ACYP2: variants seen among roughly 807,000 people sequenced by gnomAD.
ACYP2 encodes the protein acylphosphatase-2.
In ACYP2, 12 loss-of-function variants were observed where a neutral mutation model predicts 11.2. The observed-to-expected ratio is 1.08, with a 90% confidence interval of 0.69 to 1.74. The LOEUF is 1.74. Ranked by LOEUF, ACYP2 falls within the 40% of genes most tolerant of loss-of-function variation. The pLI is 0.00. For missense variants in ACYP2, 134 were observed against 101.9 expected, an observed-to-expected ratio of 1.31 and a Z score of -1.35; for synonymous variants, 43 against 32.2, an observed-to-expected ratio of 1.33 and a Z score of -1.13.
At chr2:54,290,273 C>T (rs1689247466) in intron 6 of ACYP2, among the ~76,000 whole-genome samples, 1 of 152,002 alleles carries the variant, frequency 6.6e-6, no homozygotes, top group Admixed American at 6.5e-5. Context: ...AGACTGGTGC[C>T]TTGAAGACGT....
intron 6 of ACYP2, among the ~76,000 whole-genome samples, chr2:54,282,353 A>G (rs902812635): frequency 6.6e-6 from 1 of 152,106 alleles, no homozygotes; most frequent in Non-Finnish European, 1.5e-5. Context: ...TTTTCAGACA[A>G]TTTCCAACCT....
chr2:54,184,776 G>A (rs527601567), intron 6 of ACYP2, among the ~76,000 whole-genome samples: 103 of 151,872 alleles, frequency 6.8e-4, no homozygotes, highest in African/African-American at 2.1e-3. Context: ...GGGGTGCTAT[G>A]TTTTAGAAGA....
chr2:54,009,587 A>C (rs1469181085), intron 2 of ACYP2, among the ~76,000 whole-genome samples: 1 of 152,046 alleles, frequency 6.6e-6, no homozygotes, highest in Non-Finnish European at 1.5e-5. Flanking sequence ...AAATAATAAT[A>C]ATAATAAATT....
chr2:54,186,602 C>T (rs1347310232), intron 6 of ACYP2, among the ~76,000 whole-genome samples: 1 of 152,094 alleles, frequency 6.6e-6, no homozygotes, highest in Non-Finnish European at 1.5e-5. Context: ...CAACCTCTGC[C>T]TCCCAGGTTC....
At chr2:54,140,442 C>G (rs1014585398) in intron 6 of ACYP2, among the ~76,000 whole-genome samples, 1 of 151,934 alleles carries the variant, frequency 6.6e-6, no homozygotes, top group African/African-American at 2.4e-5. Flanking sequence ...CTTTTCAACC[C>G]CTGCATTCTC....
chr2:54,119,463 C>T (rs572836942), intron 4 of ACYP2, among the ~76,000 whole-genome samples: 64 of 152,064 alleles, frequency 4.2e-4, no homozygotes, highest in South Asian at 1.5e-3. Flanking sequence ...AAAGTAAATT[C>T]GCAATGGAAG....
At chr2:54,201,105 TC>T (rs1684733950) in intron 6 of ACYP2, among the ~76,000 whole-genome samples, 1 of 131,658 alleles carries the variant, frequency 7.6e-6, no homozygotes, top group African/African-American at 2.9e-5. Context: ...GGGTTCTCTC[TC>T]TCTTTTTTTT....
intron 6 of ACYP2, among the ~76,000 whole-genome samples, chr2:54,144,090 C>T (rs1297770572): frequency 1.3e-5 from 2 of 152,186 alleles, no homozygotes; most frequent in East Asian, 3.9e-4. Context: ...CCATCTCAGC[C>T]ACCCAAGTAG....
At chr2:54,266,579 TATCTATCTATC>T (rs1688029729) in intron 6 of ACYP2, among the ~76,000 whole-genome samples, 1 of 136,552 alleles carries the variant, frequency 7.3e-6, no homozygotes, top group South Asian at 2.3e-4. Context: ...TAGATATAGA[TATCTATCTATC>T]TTTTTTTTTT....
chr2:54,218,617 C>T (rs10180404), intron 6 of ACYP2, among the ~76,000 whole-genome samples: 3,000 of 152,186 alleles, frequency 0.02, 107 homozygotes, highest in African/African-American at 0.069. Context: ...AGTAACATAA[C>T]CAAACAGGAA....
chr2:54,275,916 A>T (rs1250589766), intron 6 of ACYP2, among the ~76,000 whole-genome samples: 1 of 152,192 alleles, frequency 6.6e-6, no homozygotes, highest in East Asian at 1.9e-4. Flanking sequence ...ATCCCTAATT[A>T]TATGTATGAT....
At chr2:54,195,073 C>G (rs1443757810) in intron 6 of ACYP2, among the ~76,000 whole-genome samples, 1 of 152,176 alleles carries the variant, frequency 6.6e-6, no homozygotes, top group Non-Finnish European at 1.5e-5. Context: ...TCACTCTTTT[C>G]TTTTTAGTCA....
At chr2:54,160,050 C>T (rs886380780) in intron 6 of ACYP2, among the ~76,000 whole-genome samples, 2 of 152,176 alleles carry the variant, frequency 1.3e-5, no homozygotes, top group Admixed American at 1.3e-4. Context: ...CCACCTCCCC[C>T]TCAAGAGAAT....
At chr2:54,218,781 T>C (rs933693473) in intron 6 of ACYP2, among the ~76,000 whole-genome samples, 2 of 152,162 alleles carry the variant, frequency 1.3e-5, no homozygotes, top group Non-Finnish European at 2.9e-5. Context: ...CTTTTCCACC[T>C]CCAGGCATCC....
intron 2 of ACYP2, among the ~76,000 whole-genome samples, chr2:53,978,077 C>T (rs945068308): frequency 1.3e-5 from 2 of 151,662 alleles, no homozygotes; most frequent in Admixed American, 6.6e-5. Context: ...GCCTGGCCAA[C>T]GTGAAGAAAC....
chr2:53,989,888 C>T (rs907504268), intron 2 of ACYP2, among the ~76,000 whole-genome samples: 3 of 152,128 alleles, frequency 2.0e-5, no homozygotes, highest in Non-Finnish European at 4.4e-5. Flanking sequence ...GTTCCTGCCA[C>T]TCCTACTCCC....
At chr2:54,283,155 A>AACTT (rs370530949) in intron 6 of ACYP2, among the ~76,000 whole-genome samples, 1 of 152,326 alleles carries the variant, frequency 6.6e-6, no homozygotes, top group Non-Finnish European at 1.5e-5. Context: ...AAAAAGATGA[A>AACTT]ACTTACCCTA....
At chr2:54,297,112 C>T (rs1689552404) in intron 6 of ACYP2, among the ~76,000 whole-genome samples, 1 of 151,386 alleles carries the variant, frequency 6.6e-6, no homozygotes, top group South Asian at 2.1e-4. Flanking sequence ...GAACACTTTT[C>T]CTGTTTTTTT....
intron 6 of ACYP2, among the ~76,000 whole-genome samples, chr2:54,290,091 C>A (rs1368025060): frequency 6.6e-6 from 1 of 152,086 alleles, no homozygotes; most frequent in Non-Finnish European, 1.5e-5. Flanking sequence ...TTGCATCAGG[C>A]TGTCAGGGCT....
Sources: gnomAD v4.1 joint callset for allele counts (sites outside exome capture counted in the v4.1 genomes callset) on GRCh38, gnomAD v4.1.1 for gene constraint, MANE v1.5 for transcripts, NCBI Gene and HGNC (gene_info 2026-07-23, HGNC 2026-07-21) for gene names.